The following COG7 variants were observed in gnomAD, a reference collection of about 807,000 sequenced individuals.
COG7 encodes the protein component of oligomeric golgi complex 7.
In COG7, 49 loss-of-function variants were observed where a neutral mutation model predicts 91.5. The ratio of observed to expected loss-of-function variants is 0.54; its 90% CI spans 0.43 to 0.68. The LOEUF (loss-of-function observed/expected upper bound fraction) is 0.68, where lower values mean the gene tolerates loss of function less well. Among genes scored for constraint, COG7 ranks in the 30% least tolerant of loss-of-function variants. COG7 has a pLI of 0.00. For missense variants in COG7, 895 were observed against 961.3 expected (o/e 0.93, Z 0.91); for synonymous variants, 365 against 388.7 (o/e 0.94, Z 0.72).
chr16:23,391,101 G>A lies in COG7; in HGVS notation c.2146+1279C>T, dbSNP rs538071028. Reference sequence around the variant, plus strand: ...AGCCTTACCTTCCCTGCCCCTAACCGTACATCCTTACAGTGTAAGCTCACT... The same window carrying A: ...AGCCTTACCTTCCCTGCCCCTAACCATACATCCTTACAGTGTAAGCTCACT... On this transcript the variant is annotated intron_variant, in intron 16 of 16. Transcript: ENST00000307149. Among the ~76,000 whole-genome samples the A allele has an allele frequency of 3.9e-5, 6 of 152,240 alleles. No homozygotes were observed. The East Asian group carries it at 5.8e-4, about 15-fold the overall frequency.
chr16:23,413,791 C>A, intron 9 of COG7: 1 of 473,024 alleles, frequency 2.1e-6, no homozygotes, highest in Non-Finnish European at 3.9e-6. Context: ...AAAGAGATGC[C>A]CAAGAGGAGA....
chr16:23,438,365 C>A (rs374171384), intron 4 of COG7, among the ~76,000 whole-genome samples: 15 of 152,168 alleles, frequency 9.9e-5, no homozygotes, highest in African/African-American at 3.1e-4. Context: ...CTAAGACCAG[C>A]CTGAGCAGCA....
At chr16:23,392,322 C>T (rs1311895196) in intron 16 of COG7, 58 bp downstream of exon 16, 2 of 1,612,050 alleles carry the variant, frequency 1.2e-6, no homozygotes, top group African/African-American at 1.3e-5. Flanking sequence ...AAAGGAGAAA[C>T]TGACAGATGC....
At chr16:23,432,665 G>A (rs1963952765) in intron 6 of COG7, among the ~76,000 whole-genome samples, 1 of 152,140 alleles carries the variant, frequency 6.6e-6, no homozygotes, top group South Asian at 2.1e-4. Flanking sequence ...AAACCTTTAT[G>A]GCTGGAAATG....
chr16:23,411,671 ATGGTCCTGAG>A (rs1219329843), intron 10 of COG7, among the ~76,000 whole-genome samples: 4 of 152,166 alleles, frequency 2.6e-5, no homozygotes, highest in African/African-American at 7.2e-5. Flanking sequence ...ATAATCTAAA[ATGGTCCTGAG>A]TGGTCCTGGA....
In COG7 at chr16:23,393,324, G is replaced by C. The variant is rs949435655; in HGVS notation, c.1911C>G (p.Leu637=). The C allele has an allele frequency of 1.2e-6, 2 of 1,614,056 alleles. No homozygotes were observed. Among genetic ancestry groups the C allele is most frequent in the South Asian group, 1.1e-5 (1 of 91,074 alleles). The change falls in exon 15 of 17, where the codon CTC becomes CTG. Residue 637 remains leucine (L), a synonymous_variant. Coordinates refer to ENST00000307149, the MANE Select transcript of COG7 (RefSeq NM_153603.4). ...ISNIGQYIMS[L]PLNLEPFVTQ... ...TCACAAATGGCTCAAGATTCAGGGG[G>C]AGGGACATGATGTACTGCCCGATCT...
intron 6 of COG7, among the ~76,000 whole-genome samples, chr16:23,430,375 G>C (rs1029871237): frequency 6.6e-6 from 1 of 151,168 alleles, no homozygotes; most frequent in Admixed American, 6.6e-5. Flanking sequence ...GCTGCAGTGA[G>C]CCATGATCAT....
chr16:23,447,352 A>T (rs1236549529), intron 1 of COG7: 1 of 151,948 alleles, frequency 6.6e-6, no homozygotes, highest in African/African-American at 2.4e-5. Flanking sequence ...CTGGGATTAC[A>T]GTTGTGCACC....
chr16:23,431,018 T>C (rs921647819), intron 6 of COG7, among the ~76,000 whole-genome samples: 4 of 151,638 alleles, frequency 2.6e-5, no homozygotes, highest in Non-Finnish European at 2.9e-5. Flanking sequence ...AATATTTTTA[T>C]ATAAAAAAGA....
intron 10 of COG7, among the ~76,000 whole-genome samples, chr16:23,411,742 G>A (rs1488372936): frequency 5.9e-5 from 9 of 152,178 alleles, no homozygotes; most frequent in African/African-American, 9.7e-5. Context: ...ATGGGCCACC[G>A]CATTAAGAAC....
In COG7 at chr16:23,392,059, G is replaced by A. The variant is rs898455311; in HGVS notation, c.2146+321C>T. 8 of 1,263,146 alleles carry A rather than the reference G, an allele frequency of 6.3e-6. No homozygotes were observed. In the Admixed American group the frequency reaches 1.3e-4, roughly 21 times the overall value. The allele number at this position is 1,263,146 out of a possible 1,614,324, so 78.2% of individuals were successfully genotyped here. ...TGCAGTAAGAGCTCATTAAACACTG[G>A]TTGGGAATTATGGCACAAATGGAGC... On this transcript the variant is annotated intron_variant, in intron 16 of 16. Transcript: ENST00000307149.
Position 23,403,697 on chromosome 16 carries a change from C to T in COG7, c.1800G>A (p.Met600Ile), listed in dbSNP as rs922120415. 6 of 1,613,996 alleles carry T rather than the reference C, an allele frequency of 3.7e-6. No homozygotes were observed. Among genetic ancestry groups the T allele is most frequent in the Non-Finnish European group, 5.1e-6 (6 of 1,179,912 alleles). Residue 600 changes from methionine (M) to isoleucine (I), a missense_variant, in exon 13 of 17, where the codon ATG (methionine) becomes ATA (isoleucine). Met to Ile is a conservative substitution (Grantham distance 10). Coordinates refer to ENST00000307149, the MANE Select transcript of COG7 (RefSeq NM_153603.4). ...ATGTGGTCAGTGAGAAACTCACGTC[C>T]ATCTTCGAAATAAGCAACAGCTGTT... ...IKQQLLLISK[M>I]DSWNTAGIGE...
At position 23,413,444 on chromosome 16, in the gene COG7, T is replaced by G; in HGVS notation, c.1409+4A>C. ...ACAAGCTTGAATTACAACCCCCGGT[T>G]TACCTAATGGAGTTCTGAAAAGCCG... On this transcript the variant is annotated splice_donor_region_variant and intron_variant, in intron 10 of 16. Coordinates refer to ENST00000307149, the MANE Select transcript of COG7 (RefSeq NM_153603.4). 1.4e-6 allele frequency: 2 copies of G among 1,436,754 alleles called. No individual in the cohort carries two copies. Among genetic ancestry groups the G allele is most frequent in the East Asian group, 4.5e-5 (2 of 44,106 alleles). 89.0% of individuals were successfully genotyped at this position (1,436,754 alleles called of 1,614,324 possible).
intron 15 of COG7, 71 bp from the exon 16 acceptor site, chr16:23,392,594 G>A: frequency 6.3e-7 from 1 of 1,585,742 alleles, no homozygotes; most frequent in Non-Finnish European, 8.7e-7. Context: ...AAAGTACCAG[G>A]AAGCTTCTGA....
At chr16:23,452,670 C>G (rs896582897) in intron 1 of COG7, 156 bp downstream of exon 1, 29 of 1,439,652 alleles carry the variant, frequency 2.0e-5, no homozygotes, top group Non-Finnish European at 2.3e-5. Flanking sequence ...CTGAGACTCC[C>G]GCTGACGTGA....
chr16:23,411,786 T>C (rs1458390425), intron 10 of COG7, among the ~76,000 whole-genome samples: 4 of 151,938 alleles, frequency 2.6e-5, no homozygotes, highest in African/African-American at 7.3e-5. Context: ...AGGTAAGACA[T>C]GAAAGTGGGT....
chr16:23,441,274 T>A (rs1166686396), intron 4 of COG7, among the ~76,000 whole-genome samples: 1 of 152,212 alleles, frequency 6.6e-6, no homozygotes, highest in Non-Finnish European at 1.5e-5. Context: ...CATCTGTTTT[T>A]GTAAATAAAG....
chr16:23,406,220 G>C lies in COG7; in HGVS notation c.1518C>G (p.Ser506Arg). 1 of 1,614,194 alleles carries C rather than the reference G, an allele frequency of 6.2e-7. No individual in the cohort carries two copies. The highest frequency in any genetic ancestry group is 8.5e-7 in the Non-Finnish European group (1 of 1,180,030). ...TAGKYLSDSC[S>R]PRSLAGFQES... ...CCTGAAAACCAGCCAGGCTCCGGGG[G>C]CTGCAGGAATCAGATAGATACTTCC... The change falls in exon 12 of 17, where the codon AGC (serine) becomes AGG (arginine). Residue 506 changes from serine (S) to arginine (R), a missense_variant. Ser to Arg is a moderately radical substitution (Grantham distance 110). Transcript: ENST00000307149.
Position 23,424,786 on chromosome 16 carries a change from G to A in COG7, c.972C>T (p.Phe324=), listed in dbSNP as rs747262700. Reference sequence around the variant, plus strand: ...GCAGTGCCATCTCCAAGCCCTTGGCGAAGTGGGCGGTGGCGTCGTAGAACT... The same window carrying A: ...GCAGTGCCATCTCCAAGCCCTTGGCAAAGTGGGCGGTGGCGTCGTAGAACT... The part of the protein sequence containing the change: ...LLEFYDATAH[F]AKGLEMALLP... The change falls in exon 7 of 17, where the codon TTC becomes TTT. Residue 324 remains phenylalanine, a synonymous_variant. Coordinates refer to ENST00000307149, the MANE Select transcript of COG7 (RefSeq NM_153603.4). 3.8e-5 allele frequency: 62 copies of A among 1,614,134 alleles called. No individual in the cohort carries two copies. The highest frequency in any genetic ancestry group is 2.7e-4 in the Admixed American group (16 of 60,004).
Sources: allele counts gnomAD v4.1 joint callset (sites outside exome capture counted in the v4.1 genomes callset), GRCh38; gene constraint gnomAD v4.1.1; transcripts MANE v1.5; gene names NCBI Gene and HGNC (gene_info 2026-07-23, HGNC 2026-07-21).